The following CRYBG1 variants were observed in gnomAD, a reference collection of about 807,000 sequenced individuals.
CRYBG1 encodes crystallin beta-gamma domain containing 1.
In CRYBG1, 139 loss-of-function variants were observed where a neutral mutation model predicts 189.2. The ratio of observed to expected loss-of-function variants is 0.73; its 90% CI spans 0.64 to 0.85. The LOEUF (loss-of-function observed/expected upper bound fraction) is 0.85, where lower values mean the gene tolerates loss of function less well. CRYBG1 is among the 40% of genes least tolerant of loss of function. The probability of loss-of-function intolerance (pLI) is 0.00; values close to 1 mark genes in which losing one functional copy is unlikely to be tolerated. For synonymous variants in CRYBG1, 1,023 were observed against 1,017.1 expected (o/e 1.01, Z -0.11); for missense variants, 2,611 against 2,675.8 (o/e 0.98, Z 0.53).
intron 9 of CRYBG1, among the ~76,000 whole-genome samples, chr6:106,540,073 C>G (rs1365682168): frequency 6.6e-6 from 1 of 152,126 alleles, no homozygotes. Flanking sequence ...TGGGTGGTGT[C>G]TTGGGGGTCT....
At chr6:106,432,690 G>A (rs1015171271) in intron 1 of CRYBG1, among the ~76,000 whole-genome samples, 1 of 152,166 alleles carries the variant, frequency 6.6e-6, no homozygotes, top group Non-Finnish European at 1.5e-5. Flanking sequence ...TTGGCAATGT[G>A]CCCACCACGT....
At chr6:106,553,408 T>A in intron 15 of CRYBG1, 47 bp from the exon 16 acceptor site, 1 of 1,288,094 alleles carries the variant, frequency 7.8e-7, no homozygotes, top group Non-Finnish European at 1.1e-6. Flanking sequence ...AATTAGTTAA[T>A]GTGTTTAGGA....
At chr6:106,392,366 C>T (rs1770523816) in intron 1 of CRYBG1, among the ~76,000 whole-genome samples, 1 of 152,328 alleles carries the variant, frequency 6.6e-6, no homozygotes, top group African/African-American at 2.4e-5. Context: ...TCTATTATCT[C>T]TTCAGTGTCT....
intron 18 of CRYBG1, among the ~76,000 whole-genome samples, chr6:106,559,837 G>A (rs958842950): frequency 2.6e-5 from 4 of 152,108 alleles, no homozygotes; most frequent in Non-Finnish European, 5.9e-5. Context: ...ACTCACGTCT[G>A]TAACCCTAGC....
chr6:106,427,979 T>A (rs1771259616), intron 1 of CRYBG1, among the ~76,000 whole-genome samples: 1 of 152,184 alleles, frequency 6.6e-6, no homozygotes, highest in South Asian at 2.1e-4. Flanking sequence ...TTGGCTCATC[T>A]CCCTCACATT....
At chr6:106,407,334 AAC>A (rs1260115268) in intron 1 of CRYBG1, among the ~76,000 whole-genome samples, 2 of 152,236 alleles carry the variant, frequency 1.3e-5, no homozygotes, top group Non-Finnish European at 2.9e-5. Context: ...AAGAGGATCT[AAC>A]TATCCTAAAT....
At chr6:106,547,674 A>G (rs2114579261) in intron 13 of CRYBG1, among the ~76,000 whole-genome samples, 1 of 152,354 alleles carries the variant, frequency 6.6e-6, no homozygotes, top group South Asian at 2.1e-4. Flanking sequence ...GCATTGTCAG[A>G]AAAAAACTCT....
intron 1 of CRYBG1, among the ~76,000 whole-genome samples, chr6:106,409,279 C>T (rs1770881003): frequency 6.6e-6 from 1 of 152,086 alleles, no homozygotes; most frequent in African/African-American, 2.4e-5. Flanking sequence ...ACAATTGCTA[C>T]AAAGAGAATA....
chr6:106,365,581 T>C (rs1375680632), intron 1 of CRYBG1, among the ~76,000 whole-genome samples: 1 of 151,336 alleles, frequency 6.6e-6, no homozygotes, highest in Non-Finnish European at 1.5e-5. Flanking sequence ...AGCCACCACA[T>C]GTGGCCATAC....
chr6:106,461,902 G>T (rs1454409693), intron 2 of CRYBG1, among the ~76,000 whole-genome samples: 2 of 152,164 alleles, frequency 1.3e-5, no homozygotes, highest in Non-Finnish European at 2.9e-5. Flanking sequence ...GAATCGACAT[G>T]AAAATCCCAG....
chr6:106,457,774 A>G (rs1210017737), intron 2 of CRYBG1, among the ~76,000 whole-genome samples: 1 of 152,006 alleles, frequency 6.6e-6, no homozygotes, highest in African/African-American at 2.4e-5. Flanking sequence ...CCTAGCTTAA[A>G]TCTCTCTGCC....
rs368731644 is a variant in CRYBG1 at position 106,563,874 on chromosome 6, C to T, written c.6249C>T (p.Ser2083=). The change falls in exon 21 of 22, where the codon TCC becomes TCT. Residue 2083 remains serine (S), a synonymous_variant. Transcript: ENST00000633556. ...ACAGCCAGTTCTGGAGCTTGAAGTC[C>T]GATGGCAGGATTTACAGCAAGTTGA... ...NADSQFWSLK[S]DGRIYSKLKP... 11 of 1,613,318 alleles carry T rather than the reference C, an allele frequency of 6.8e-6. No homozygotes were observed. Among genetic ancestry groups the T allele is most frequent in the Admixed American group, 1.7e-5 (1 of 59,988 alleles).
intron 2 of CRYBG1, among the ~76,000 whole-genome samples, chr6:106,459,227 C>T (rs536172961): frequency 1.3e-5 from 2 of 152,314 alleles, no homozygotes; most frequent in South Asian, 2.1e-4. Context: ...GAGGCACTGA[C>T]TATGGGTGCT....
intron 1 of CRYBG1, among the ~76,000 whole-genome samples, chr6:106,408,306 T>C (rs1289190776): frequency 2.0e-5 from 3 of 152,182 alleles, no homozygotes; most frequent in East Asian, 1.9e-4. Context: ...ACAAACACAC[T>C]ACCAAGACTA....
Position 106,361,099 on chromosome 6 carries a change from G to A in CRYBG1, c.173+18G>A. On this transcript the variant is annotated intron_variant, in intron 1 of 21. Coordinates refer to ENST00000633556, the MANE Select transcript of CRYBG1 (RefSeq NM_001371242.2). ...GAGGCCAGGTGAGCTCCTCGCCCGAGCCCTCCAGTCCCACCTCCTCCTCCT... is the reference window on the plus strand; with the variant it reads ...GAGGCCAGGTGAGCTCCTCGCCCGAACCCTCCAGTCCCACCTCCTCCTCCT... The A allele has an allele frequency of 6.5e-7, 1 of 1,533,282 alleles. No individual in the cohort carries two copies. Among genetic ancestry groups the A allele is most frequent in the Non-Finnish European group, 8.7e-7 (1 of 1,145,762 alleles). The allele number at this position is 1,533,282 out of a possible 1,614,324, so 95.0% of individuals were successfully genotyped here.
intron 1 of CRYBG1, among the ~76,000 whole-genome samples, chr6:106,403,540 G>A (rs1027469736): frequency 1.3e-5 from 2 of 152,186 alleles, no homozygotes; most frequent in African/African-American, 2.4e-5. Flanking sequence ...TCTACAGTGC[G>A]GAGCACCACT....
chr6:106,561,313 TAA>T (rs1332999659), intron 19 of CRYBG1, 27 bp from the exon 20 acceptor site: 1 of 1,609,248 alleles, frequency 6.2e-7, no homozygotes, highest in South Asian at 1.1e-5. Context: ...ACATCTGGTA[TAA>T]CAACTGCTGG....
intron 1 of CRYBG1, among the ~76,000 whole-genome samples, chr6:106,437,035 G>A (rs983301520): frequency 5.3e-5 from 8 of 151,990 alleles, no homozygotes; most frequent in African/African-American, 1.4e-4. Flanking sequence ...CACAAGATTC[G>A]TTTGAGACTG....
rs1023750424 is a variant in CRYBG1, at chr6:106,439,065, A to G, written c.174-12629A>G. Among the ~76,000 whole-genome samples the G allele has an allele frequency of 6.6e-5, 10 of 150,788 alleles. No individual in the cohort carries two copies. The South Asian group carries it at 1.7e-3, about 25-fold the overall frequency. On this transcript the variant is annotated intron_variant, in intron 1 of 21. Transcript: ENST00000633556. Reference sequence around the variant, plus strand: ...CTTAAAAAATGAAAAAAAAAAAAAAAAGAGAAAAATATTTTGAGTGGTTCC... The same window carrying G: ...CTTAAAAAATGAAAAAAAAAAAAAAGAGAGAAAAATATTTTGAGTGGTTCC...
Sources: gnomAD v4.1 joint callset for allele counts (sites outside exome capture counted in the v4.1 genomes callset) on GRCh38, gnomAD v4.1.1 for gene constraint, MANE v1.5 for transcripts, NCBI Gene and HGNC (gene_info 2026-07-23, HGNC 2026-07-21) for gene names.